TMCO4: variants seen among roughly 807,000 people sequenced by gnomAD.
TMCO4 encodes the protein transmembrane and coiled-coil domains 4.
A neutral mutation model predicts 64.7 loss-of-function variants in TMCO4; 58 were observed. The ratio of observed to expected loss-of-function variants is 0.90; its 90% CI spans 0.73 to 1.12. TMCO4 has a LOEUF of 1.12. TMCO4 is among the 50% of genes most tolerant of loss of function. The pLI is 0.00. For synonymous variants in TMCO4, 325 were observed against 346.1 expected (o/e 0.94, Z 0.68); for missense variants, 780 against 825.9 (o/e 0.94, Z 0.68).
In TMCO4 at chr1:19,790,967, G is replaced by T. The variant is rs558002576; in HGVS notation, c.-100-3850C>A. Among the ~76,000 whole-genome samples the T allele has an allele frequency of 1.5e-4, 23 of 152,298 alleles. No individual in the cohort carries two copies. The East Asian group carries it at 2.5e-3, about 17-fold the overall frequency. On this transcript the variant is annotated intron_variant, in intron 2 of 15. Transcript: ENST00000294543. ...ATGTGGTACATATACACCATGGAAT[G>T]CTATGCAGCCATAAAAAGGAATGAG...
intron 13 of TMCO4, among the ~76,000 whole-genome samples, chr1:19,710,270 A>AT (rs11310431): frequency 0.019 from 2,609 of 138,432 alleles, 53 homozygotes; most frequent in South Asian, 0.072. Context: ...CCATGCCCCC[A>AT]TTTTTTTTTT....
chr1:19,749,908 C>A (rs1323085705), intron 7 of TMCO4, among the ~76,000 whole-genome samples: 4 of 149,434 alleles, frequency 2.7e-5, no homozygotes, highest in Admixed American at 1.3e-4. Context: ...CAAAACCTAG[C>A]CTATCCCCAC....
At chr1:19,699,513 ATT>A (rs1553127175) in intron 14 of TMCO4, among the ~76,000 whole-genome samples, 20 of 145,690 alleles carry the variant, frequency 1.4e-4, no homozygotes, top group African/African-American at 4.5e-4. Context: ...ATATATATAT[ATT>A]GAGATGGAGT....
At chr1:19,704,655 C>T (rs6701316) in intron 13 of TMCO4, among the ~76,000 whole-genome samples, 59,083 of 152,144 alleles carry the variant, frequency 0.39, 11,988 homozygotes, top group South Asian at 0.45. Flanking sequence ...GCAGAGTCTG[C>T]CCTGCTAAGA....
At chr1:19,701,777 G>A (rs903089805) in intron 13 of TMCO4, among the ~76,000 whole-genome samples, 7 of 152,134 alleles carry the variant, frequency 4.6e-5, no homozygotes, top group Non-Finnish European at 1.0e-4. Context: ...GTCAGGGAGT[G>A]CACTCGTCCG....
chr1:19,740,202 T>C (rs2095473027), intron 11 of TMCO4, among the ~76,000 whole-genome samples: 1 of 152,196 alleles, frequency 6.6e-6, no homozygotes, highest in Admixed American at 6.5e-5. Flanking sequence ...CTCCACACCC[T>C]GTACCCTCCC....
At chr1:19,707,548 G>A (rs752272709) in intron 13 of TMCO4, among the ~76,000 whole-genome samples, 31 of 152,208 alleles carry the variant, frequency 2.0e-4, no homozygotes, top group Non-Finnish European at 3.8e-4. Flanking sequence ...ACTTGAACCT[G>A]GGAGGAGGAG....
chr1:19,758,917 A>G (rs2042381888), intron 6 of TMCO4, among the ~76,000 whole-genome samples: 1 of 152,052 alleles, frequency 6.6e-6, no homozygotes, highest in South Asian at 2.1e-4. Context: ...CATGGCCAAC[A>G]TGGTGAAACC....
chr1:19,792,727 C>T (rs77867075), intron 2 of TMCO4, among the ~76,000 whole-genome samples: 4,401 of 138,652 alleles, frequency 0.032, 221 homozygotes, highest in African/African-American at 0.11. Flanking sequence ...TATGGCCTTT[C>T]TTTTCCCCCT....
At chr1:19,717,206 A>C (rs149428297) in intron 13 of TMCO4, among the ~76,000 whole-genome samples, 2 of 152,250 alleles carry the variant, frequency 1.3e-5, no homozygotes, top group Admixed American at 6.5e-5. Context: ...AAATTAATTA[A>C]TGAAATTAAA....
Position 19,739,920 on chromosome 1 carries a change from A to G in TMCO4, c.1083T>C (p.Ser361=), listed in dbSNP as rs767511747. The change falls in exon 12 of 16, where the codon AGT becomes AGC. Residue 361 remains serine (S), a synonymous_variant. Transcript: ENST00000294543. ...AALTWPASLL[S]VANVIDNPWG... is the part of the protein sequence containing the mutation. Reference sequence around the variant, plus strand: ...AGGGGTTGTCGATGACATTGGCGACACTGAGGAGTGAGGCTGGCCAGGTCA... The same window carrying G: ...AGGGGTTGTCGATGACATTGGCGACGCTGAGGAGTGAGGCTGGCCAGGTCA... 1.2e-6 allele frequency: 2 copies of G among 1,613,988 alleles called. No homozygotes were observed. Among genetic ancestry groups the G allele is most frequent in the South Asian group, 2.2e-5 (2 of 91,066 alleles).
chr1:19,683,490 A>C lies in TMCO4; in HGVS notation c.1501-46T>G. On this transcript the variant is annotated intron_variant, in intron 15 of 15. Transcript: ENST00000294543. ...GCACCACCGTGGGTGTGCAGAGCCCAGCCCTCCCCAGGGACCTCCGGCCAA... is the reference window on the plus strand; with the variant it reads ...GCACCACCGTGGGTGTGCAGAGCCCCGCCCTCCCCAGGGACCTCCGGCCAA... The C allele has an allele frequency of 1.9e-6, 3 of 1,597,884 alleles. No individual in the cohort carries two copies. The South Asian group carries it at 3.3e-5, about 18-fold the overall frequency.
intron 6 of TMCO4, among the ~76,000 whole-genome samples, chr1:19,760,170 T>C (rs2042435950): frequency 6.6e-6 from 1 of 152,132 alleles, no homozygotes. Flanking sequence ...TAGTCTTTTT[T>C]TTTTCTTTTT....
At chr1:19,693,814 C>A (rs1448279840) in intron 15 of TMCO4, among the ~76,000 whole-genome samples, 1 of 152,138 alleles carries the variant, frequency 6.6e-6, no homozygotes, top group East Asian at 1.9e-4. Flanking sequence ...CACCTGTGTC[C>A]CCTGCTTGCT....
intron 4 of TMCO4, among the ~76,000 whole-genome samples, chr1:19,776,495 C>T (rs962856251): frequency 1.3e-5 from 2 of 152,186 alleles, no homozygotes; most frequent in African/African-American, 4.8e-5. Flanking sequence ...AAACAAAGTA[C>T]ACAAAGCTCT....
intron 2 of TMCO4, among the ~76,000 whole-genome samples, chr1:19,787,487 G>A (rs1307350436): frequency 5.9e-5 from 9 of 152,196 alleles, no homozygotes; most frequent in Non-Finnish European, 8.8e-5. Flanking sequence ...CCACAGAGTG[G>A]GCACTCAGAA....
chr1:19,695,855 C>G (rs776715342), intron 14 of TMCO4, among the ~76,000 whole-genome samples: 1 of 152,160 alleles, frequency 6.6e-6, no homozygotes, highest in Non-Finnish European at 1.5e-5. Flanking sequence ...CTAACTCCTT[C>G]CCCACTGTAA....
intron 13 of TMCO4, among the ~76,000 whole-genome samples, chr1:19,722,724 G>A (rs556601117): frequency 3.6e-4 from 55 of 152,130 alleles, no homozygotes; most frequent in Non-Finnish European, 6.9e-4. Context: ...AACCCCTGGG[G>A]CACTTTTGTA....
intron 2 of TMCO4, among the ~76,000 whole-genome samples, chr1:19,796,643 C>G (rs1018794055): frequency 6.6e-6 from 1 of 152,084 alleles, no homozygotes; most frequent in Non-Finnish European, 1.5e-5. Flanking sequence ...AGCTCGATCT[C>G]GGCTCACTGC....
Sources: gnomAD v4.1 joint callset for allele counts (sites outside exome capture counted in the v4.1 genomes callset) on GRCh38, gnomAD v4.1.1 for gene constraint, MANE v1.5 for transcripts, NCBI Gene and HGNC (gene_info 2026-07-23, HGNC 2026-07-21) for gene names.